Variants in TTC39B observed in about 807,000 individuals in gnomAD.
The protein encoded by TTC39B is tetratricopeptide repeat protein 39B.
A neutral mutation model predicts 96.6 loss-of-function variants in TTC39B; 92 were observed. That is an observed-to-expected ratio of 0.95 (90% CI 0.80 to 1.13). The LOEUF is 1.13. TTC39B is among the 50% of genes most tolerant of loss of function. The pLI is 0.00. For synonymous variants in TTC39B, 367 were observed against 299.4 expected, an observed-to-expected ratio of 1.23 and a Z score of -2.33; for missense variants, 955 against 809.3, an observed-to-expected ratio of 1.18 and a Z score of -2.18.
chr9:15,301,960 G>A (rs1255482787), intron 1 of TTC39B, among the ~76,000 whole-genome samples: 1 of 152,066 alleles, frequency 6.6e-6, no homozygotes, highest in Non-Finnish European at 1.5e-5. Context: ...ACCCTCAAAG[G>A]AGCCTAAGTA....
chr9:15,175,189 T>C, intron 18 of TTC39B, 54 bp from the exon 19 acceptor site: 2 of 1,218,922 alleles, frequency 1.6e-6, no homozygotes, highest in Non-Finnish European at 2.4e-6. Context: ...AAATACACAT[T>C]TTTCTAAATA....
At chr9:15,292,032 G>C (rs1333636223) in intron 1 of TTC39B, among the ~76,000 whole-genome samples, 2 of 152,146 alleles carry the variant, frequency 1.3e-5, no homozygotes, top group Admixed American at 6.5e-5. Context: ...ATCCTTATTC[G>C]TGGCCATTAA....
intron 2 of TTC39B, among the ~76,000 whole-genome samples, chr9:15,255,095 C>T (rs967404686): frequency 2.0e-5 from 3 of 151,378 alleles, no homozygotes; most frequent in Admixed American, 6.6e-5. Context: ...TTTAAAAGAC[C>T]GCTGCTGGTA....
intron 1 of TTC39B, among the ~76,000 whole-genome samples, chr9:15,279,071 G>C (rs1053499243): frequency 1.3e-5 from 2 of 152,202 alleles, no homozygotes; most frequent in African/African-American, 4.8e-5. Flanking sequence ...ACAGCATTGT[G>C]AGATTTTAAC....
intron 2 of TTC39B, among the ~76,000 whole-genome samples, chr9:15,238,864 T>C (rs1355348576): frequency 6.6e-6 from 1 of 152,178 alleles, no homozygotes; most frequent in Non-Finnish European, 1.5e-5. Context: ...CACATGCCTG[T>C]AGTCCTAGCA....
chr9:15,218,635 A>AAAAAATATATAT (rs374054306), intron 3 of TTC39B, among the ~76,000 whole-genome samples: 1 of 149,448 alleles, frequency 6.7e-6, no homozygotes. Context: ...GTCTATTTTA[A>AAAAAATATATAT]ATATATATAT....
chr9:15,273,499 C>G (rs1408629681), intron 1 of TTC39B, among the ~76,000 whole-genome samples: 2 of 152,208 alleles, frequency 1.3e-5, no homozygotes, highest in African/African-American at 4.8e-5. Context: ...CGTTCCTCCT[C>G]CTCACCCTCA....
At chr9:15,271,573 TC>T (rs1823354953) in intron 1 of TTC39B, among the ~76,000 whole-genome samples, 1 of 151,906 alleles carries the variant, frequency 6.6e-6, no homozygotes, top group Non-Finnish European at 1.5e-5. Flanking sequence ...CCTGAGACTC[TC>T]ACGCCACCGC....
chr9:15,203,553 G>A (rs748517717), intron 7 of TTC39B, among the ~76,000 whole-genome samples: 2 of 151,938 alleles, frequency 1.3e-5, no homozygotes, highest in East Asian at 3.9e-4. Context: ...GAGCCACCCT[G>A]CCTGGCCTAA....
chr9:15,267,078 C>CA (rs1013622171), intron 2 of TTC39B, among the ~76,000 whole-genome samples: 11 of 150,582 alleles, frequency 7.3e-5, no homozygotes, highest in African/African-American at 1.7e-4. Flanking sequence ...GACTCCGTCT[C>CA]AAAAAAAAAG....
In TTC39B at chr9:15,257,451, T is replaced by TA. The variant is rs200136742; in HGVS notation, c.275+10462dup. On this transcript the variant is annotated intron_variant, in intron 2 of 19. Coordinates refer to ENST00000512701, the Ensembl canonical transcript of TTC39B. ...TGTAGATGTTCAAAATTGGTCATAT[T>TA]AAAAATTTTTTTTTTGAGACAGGGT... 5.5e-3 allele frequency among the ~76,000 whole-genome samples: 834 copies of TA among 151,104 alleles called. 4 individuals carry two copies. Among genetic ancestry groups the TA allele is most frequent in the African/African-American group, 0.019 (793 of 41,344 alleles).
intron 1 of TTC39B, among the ~76,000 whole-genome samples, chr9:15,305,546 C>A (rs990017298): frequency 6.6e-6 from 1 of 152,030 alleles, no homozygotes; most frequent in East Asian, 1.9e-4. Context: ...TGTTATTAAG[C>A]AACATCTTTT....
At chr9:15,283,014 T>A (rs1228170966) in intron 1 of TTC39B, among the ~76,000 whole-genome samples, 1 of 152,190 alleles carries the variant, frequency 6.6e-6, no homozygotes, top group Non-Finnish European at 1.5e-5. Flanking sequence ...AATTACAAAA[T>A]TAGGTACAAC....
At chr9:15,278,350 G>A (rs1823626314) in intron 1 of TTC39B, among the ~76,000 whole-genome samples, 1 of 152,022 alleles carries the variant, frequency 6.6e-6, no homozygotes, top group Admixed American at 6.6e-5. Flanking sequence ...ATATAATAGA[G>A]TGCATATGTA....
In TTC39B at chr9:15,192,737, C is replaced by G. The variant is rs550770048; in HGVS notation, c.825-42G>C. The G allele has an allele frequency of 1.3e-5, 18 of 1,339,262 alleles. No individual in the cohort carries two copies. The East Asian group carries it at 3.7e-4, about 27-fold the overall frequency. 83.0% of individuals were successfully genotyped at this position (1,339,262 alleles called of 1,614,324 possible). On this transcript the variant is annotated intron_variant, in intron 8 of 19. Transcript: ENST00000512701. ...AAGTGACAGCATAAGTTGACCATGA[C>G]TCTGAAAATAAATATTAAATCAAAT...
chr9:15,189,211 C>T (rs1201916780), intron 13 of TTC39B, among the ~76,000 whole-genome samples: 1 of 152,132 alleles, frequency 6.6e-6, no homozygotes, highest in African/African-American at 2.4e-5. Flanking sequence ...GGAGCCCACA[C>T]GTAGTAGACC....
At chr9:15,190,171 A>G (rs1015846780) in intron 11 of TTC39B, among the ~76,000 whole-genome samples, 1 of 152,212 alleles carries the variant, frequency 6.6e-6, no homozygotes, top group Non-Finnish European at 1.5e-5. Flanking sequence ...AAATTATTTA[A>G]TGAAAGAAAC....
At chr9:15,201,021 A>G (rs919527015) in intron 7 of TTC39B, among the ~76,000 whole-genome samples, 4 of 152,186 alleles carry the variant, frequency 2.6e-5, no homozygotes, top group African/African-American at 9.6e-5. Context: ...AAAAGAAGAA[A>G]AAAGAAAGAT....
intron 2 of TTC39B, among the ~76,000 whole-genome samples, chr9:15,260,354 C>T (rs1030839445): frequency 2.0e-5 from 3 of 150,070 alleles, no homozygotes; most frequent in South Asian, 2.1e-4. Context: ...AAATCACTGT[C>T]GACTTGGTTA....
Sources: allele counts gnomAD v4.1 joint callset (sites outside exome capture counted in the v4.1 genomes callset), GRCh38; gene constraint gnomAD v4.1.1; transcripts MANE v1.5; gene names NCBI Gene and HGNC (gene_info 2026-07-23, HGNC 2026-07-21).